COX5A: variants seen among roughly 807,000 people sequenced by gnomAD.
COX5A encodes the protein cytochrome c oxidase subunit 5A, mitochondrial.
COX5A carries 6 observed loss-of-function variants against 16.1 expected under a neutral mutation model. That is an observed-to-expected ratio of 0.37 (90% CI 0.20 to 0.73). The LOEUF (loss-of-function observed/expected upper bound fraction) is 0.73, where lower values mean the gene tolerates loss of function less well. COX5A is among the 30% of genes least tolerant of loss of function. The probability of loss-of-function intolerance (pLI) is 0.50; values close to 1 mark genes in which losing one functional copy is unlikely to be tolerated. For missense variants in COX5A, 159 were observed against 194.9 expected (o/e 0.82, Z 1.10); for synonymous variants, 73 against 73.8 (o/e 0.99, Z 0.06).
intron 1 of COX5A, among the ~76,000 whole-genome samples, chr15:74,934,937 C>T (rs2065382457): frequency 6.6e-6 from 1 of 152,174 alleles, no homozygotes; most frequent in Non-Finnish European, 1.5e-5. Flanking sequence ...ATTTCTAACA[C>T]TGCTTTTTGG....
At chr15:74,926,271 A>C (rs1000101425) in intron 3 of COX5A, among the ~76,000 whole-genome samples, 2 of 148,840 alleles carry the variant, frequency 1.3e-5, no homozygotes. Context: ...CGATCTCCTG[A>C]CCTCGTGATC....
At position 74,937,908 on chromosome 15, in the gene COX5A, G is replaced by T; in HGVS notation, c.100+7C>A. The T allele has an allele frequency of 8.1e-7, 1 of 1,230,330 alleles. No homozygotes were observed. Among genetic ancestry groups the T allele is most frequent in the Non-Finnish European group, 1.0e-6 (1 of 985,316 alleles). The allele number at this position is 1,230,330 out of a possible 1,614,324, so 76.2% of individuals were successfully genotyped here. ...AGGGCGCGGGCAGTGGCAAGCAGGGGCCTTACCCACGGCGGGGCCGGGGGT... is the reference window on the plus strand; with the variant it reads ...AGGGCGCGGGCAGTGGCAAGCAGGGTCCTTACCCACGGCGGGGCCGGGGGT... On this transcript the variant is annotated splice_region_variant and intron_variant, in intron 1 of 4. Transcript: ENST00000322347.
chr15:74,936,533 T>A (rs2065390845), intron 1 of COX5A, among the ~76,000 whole-genome samples: 1 of 147,694 alleles, frequency 6.8e-6, no homozygotes, highest in Non-Finnish European at 1.5e-5. Context: ...AATTTAAAAA[T>A]AAATAAATAA....
At chr15:74,925,746 A>T (rs575940036) in intron 3 of COX5A, among the ~76,000 whole-genome samples, 1 of 152,240 alleles carries the variant, frequency 6.6e-6, no homozygotes, top group South Asian at 2.1e-4. Context: ...GTGTAGTATA[A>T]CCAGTTCTGG....
intron 1 of COX5A, among the ~76,000 whole-genome samples, chr15:74,932,581 T>C (rs530666467): frequency 6.6e-6 from 1 of 151,682 alleles, no homozygotes; most frequent in African/African-American, 2.4e-5. Flanking sequence ...GGAGGAAGAG[T>C]AGCAAAAAAA....
At position 74,933,459 on chromosome 15, in the gene COX5A, CTATCTATG is replaced by C. The variant is rs561656118; in HGVS notation, c.101-4235_101-4228del. On this transcript the variant is annotated intron_variant, in intron 1 of 4. Coordinates refer to ENST00000322347, the MANE Select transcript of COX5A (RefSeq NM_004255.4). ...TCTATCTATCTATCTATCTATCTATCTATCTATGTAAAAACATAGATTAGAACAACCAT... is the reference window on the plus strand; with the variant it reads ...TCTATCTATCTATCTATCTATCTATCTAAAAACATAGATTAGAACAACCAT... Among the ~76,000 whole-genome samples, 913 of 130,364 alleles carry C rather than the reference CTATCTATG, an allele frequency of 7.0e-3. 9 individuals carry two copies. Among genetic ancestry groups the C allele is most frequent in the Admixed American group, 0.017 (217 of 12,978 alleles). The allele number at this position is 130,364 out of a possible 152,430, so 85.5% of individuals were successfully genotyped here.
At chr15:74,927,098 C>T (rs1021285330) in intron 2 of COX5A, among the ~76,000 whole-genome samples, 1 of 152,064 alleles carries the variant, frequency 6.6e-6, no homozygotes, top group African/African-American at 2.4e-5. Flanking sequence ...AAAGAAAGAA[C>T]TATGCAACAG....
At chr15:74,937,006 A>G (rs1011678825) in intron 1 of COX5A, among the ~76,000 whole-genome samples, 1 of 152,138 alleles carries the variant, frequency 6.6e-6, no homozygotes, top group Non-Finnish European at 1.5e-5. Context: ...ACGCATGCAT[A>G]GTTGCCAGTG....
At chr15:74,922,901 C>G (rs1027693816) in intron 4 of COX5A, among the ~76,000 whole-genome samples, 2 of 152,020 alleles carry the variant, frequency 1.3e-5, no homozygotes, top group African/African-American at 4.8e-5. Context: ...GTGATCCACC[C>G]GCCTCGGCCT....
In COX5A at chr15:74,937,902, G is replaced by A. The variant is rs572649745; in HGVS notation, c.100+13C>T. ...GACACGAGGGCGCGGGCAGTGGCAA[G>A]CAGGGGCCTTACCCACGGCGGGGCC... On this transcript the variant is annotated intron_variant, in intron 1 of 4. Coordinates refer to ENST00000322347, the MANE Select transcript of COX5A (RefSeq NM_004255.4). 6.5e-4 allele frequency: 799 copies of A among 1,228,656 alleles called. 2 individuals carry two copies. In the Middle Eastern group the frequency reaches 8.7e-3, roughly 13 times the overall value. The allele number at this position is 1,228,656 out of a possible 1,614,324, so 76.1% of individuals were successfully genotyped here.
At chr15:74,928,181 T>C (rs57437866) in intron 2 of COX5A, among the ~76,000 whole-genome samples, 11,386 of 152,236 alleles carry the variant, frequency 0.075, 481 homozygotes, top group South Asian at 0.14. Context: ...GTGAATACGA[T>C]AGTCATTGAG....
Position 74,920,188 on chromosome 15 carries a change from A to G in COX5A, c.*264T>C, listed in dbSNP as rs1381487480. 5.4e-5 allele frequency: 29 copies of G among 536,386 alleles called. No homozygotes were observed. Among genetic ancestry groups the G allele is most frequent in the Non-Finnish European group, 9.0e-5 (28 of 311,982 alleles). 33.2% of individuals were successfully genotyped at this position (536,386 alleles called of 1,614,324 possible). A position where few individuals can be genotyped will look rare whatever the true frequency, so the allele number is the denominator to read the frequency against. On this transcript the variant is annotated 3_prime_UTR_variant, in exon 5 of 5. Transcript: ENST00000322347. ...TCCAGAGAATTAACACAGTTCTCTC[A>G]GCATGTAAGAGGGCAGCAAAACCAT... is the stretch of plus-strand genomic sequence containing the variant.
At chr15:74,937,697 G>A (rs1566984059) in intron 1 of COX5A, 2 of 359,822 alleles carry the variant, frequency 5.6e-6, no homozygotes, top group Non-Finnish European at 9.9e-6. Flanking sequence ...CCTGTCCGCG[G>A]TGGCACAGCC....
At chr15:74,935,631 A>AT (rs1317719409) in intron 1 of COX5A, among the ~76,000 whole-genome samples, 1 of 151,694 alleles carries the variant, frequency 6.6e-6, no homozygotes. Flanking sequence ...AAATAAATAA[A>AT]AAATTTTTTT....
chr15:74,932,743 C>T (rs1248404727), intron 1 of COX5A, among the ~76,000 whole-genome samples: 7 of 151,144 alleles, frequency 4.6e-5, no homozygotes, highest in African/African-American at 1.7e-4. Context: ...GTCGCCCAGG[C>T]TGGAGTGCAA....
At chr15:74,932,845 C>T (rs112095474) in intron 1 of COX5A, among the ~76,000 whole-genome samples, 5,002 of 151,756 alleles carry the variant, frequency 0.033, 135 homozygotes, top group Non-Finnish European at 0.054. Context: ...TACAGGCATG[C>T]GCCACCATGT....
intron 1 of COX5A, among the ~76,000 whole-genome samples, chr15:74,935,098 A>G (rs2065383148): frequency 6.6e-6 from 1 of 152,192 alleles, no homozygotes; most frequent in Non-Finnish European, 1.5e-5. Flanking sequence ...AAGAATGAAC[A>G]CTTTGGTGGT....
chr15:74,931,349 A>G (rs969689413), intron 1 of COX5A, among the ~76,000 whole-genome samples: 53 of 151,910 alleles, frequency 3.5e-4, no homozygotes, highest in African/African-American at 1.2e-3. Flanking sequence ...AAAAATACAA[A>G]AATTAGCTGG....
At chr15:74,937,717 C>A (rs1250095081) in intron 1 of COX5A, 198 bp downstream of exon 1, 2 of 374,388 alleles carry the variant, frequency 5.3e-6, no homozygotes, top group Admixed American at 4.6e-5. Context: ...CAGGAAGTTG[C>A]GCGGGGGGAG....
Sources: allele counts gnomAD v4.1 joint callset (sites outside exome capture counted in the v4.1 genomes callset), GRCh38; gene constraint gnomAD v4.1.1; transcripts MANE v1.5; gene names NCBI Gene and HGNC (gene_info 2026-07-23, HGNC 2026-07-21).